Variants in GRM4 observed in about 807,000 individuals in gnomAD.
GRM4 encodes the protein glutamate metabotropic receptor 4, also known as metabotropic glutamate receptor 4.
A neutral mutation model predicts 81.7 loss-of-function variants in GRM4; 28 were observed. The observed-to-expected ratio is 0.34, with a 90% CI of 0.25 to 0.47. The LOEUF (loss-of-function observed/expected upper bound fraction) is 0.47. Among genes scored for constraint, GRM4 ranks in the 20% least tolerant of loss-of-function variants. GRM4 has a pLI of 1.00. For synonymous variants in GRM4, 488 were observed against 528.8 expected (o/e 0.92, Z 1.06); for missense variants, 948 against 1,290.0 (o/e 0.73, Z 4.06).
At chr6:34,041,103 C>G (rs1272771623) in intron 6 of GRM4, among the ~76,000 whole-genome samples, 1 of 152,170 alleles carries the variant, frequency 6.6e-6, no homozygotes, top group Non-Finnish European at 1.5e-5. Context: ...TTGCCTTCCC[C>G]CAAGCCTGGC....
chr6:34,126,812 T>C (rs1770041637), intron 2 of GRM4, among the ~76,000 whole-genome samples: 1 of 152,238 alleles, frequency 6.6e-6, no homozygotes, highest in Admixed American at 6.5e-5. Context: ...AGGGCCACCG[T>C]CTGCCTGCAT....
intron 2 of GRM4, among the ~76,000 whole-genome samples, chr6:34,108,479 C>T (rs894629670): frequency 2.6e-5 from 4 of 152,250 alleles, no homozygotes; most frequent in Non-Finnish European, 4.4e-5. Context: ...TGAACCCTCA[C>T]AGCCGGGCCC....
At chr6:34,085,647 A>G (rs1873249) in intron 3 of GRM4, among the ~76,000 whole-genome samples, 62,514 of 152,084 alleles carry the variant, frequency 0.41, 13,706 homozygotes, top group Non-Finnish European at 0.5. Context: ...CATTCATTCA[A>G]CAAACATTTA....
At position 34,092,210 on chromosome 6, in the gene GRM4, C is replaced by A; in HGVS notation, c.520-111G>T. 1.5e-6 allele frequency: 1 copy of A among 673,656 alleles called. No homozygotes were observed. The highest frequency in any genetic ancestry group is 1.8e-5 in the African/African-American group (1 of 55,712). 41.7% of individuals were successfully genotyped at this position (673,656 alleles called of 1,614,324 possible). ...TTTGGTCCCCACAGCCTTGGGACCA[C>A]CACAGCCCACCCCTCCCCATGGGCG... On this transcript the variant is annotated intron_variant, in intron 2 of 10. Coordinates refer to ENST00000538487, the MANE Select transcript of GRM4 (RefSeq NM_000841.4). This position sits in a 1 kb window ranked among gnomAD's most constrained non-coding sequence, Gnocchi z 6.8.
Position 34,092,335 on chromosome 6 carries a change from A to G in GRM4, c.520-236T>C, listed in dbSNP as rs1267631869. On this transcript the variant is annotated intron_variant, in intron 2 of 10. Transcript: ENST00000538487. This position sits in a 1 kb window ranked among gnomAD's most constrained non-coding sequence, Gnocchi z 6.8. ...CACACACAGGCACACACATACATAC[A>G]CCACACACACATACACCCTGGGAGC... is the stretch of plus-strand genomic sequence containing the variant. 3.9e-5 allele frequency among the ~76,000 whole-genome samples: 6 copies of G among 152,050 alleles called. No individual in the cohort carries two copies. Among genetic ancestry groups the G allele is most frequent in the African/African-American group, 1.5e-4 (6 of 41,376 alleles).
chr6:34,065,684 C>T (rs1161375485), intron 3 of GRM4, among the ~76,000 whole-genome samples: 3 of 152,136 alleles, frequency 2.0e-5, no homozygotes, highest in South Asian at 2.1e-4. Flanking sequence ...TCTGCCATCC[C>T]GGCCAAGCTG....
upstream of GRM4, among the ~76,000 whole-genome samples, chr6:34,149,006 A>C (rs1770995382): frequency 6.6e-6 from 1 of 152,204 alleles, no homozygotes; most frequent in South Asian, 2.1e-4. Flanking sequence ...AATAATACAG[A>C]GTCCTGAGCC....
At chr6:34,083,688 T>G (rs903006696) in intron 3 of GRM4, among the ~76,000 whole-genome samples, 2 of 152,174 alleles carry the variant, frequency 1.3e-5, no homozygotes, top group African/African-American at 4.8e-5. Context: ...GTGCTCAGCC[T>G]TGGGCCGCAG....
Position 34,133,942 on chromosome 6 carries a change from G to T in GRM4, c.-363-83C>A. ...TAGTCTCATCTCTCATCAGGAGCCT[G>T]AGAGAAGGAGATGCTAGAGGTTATC... On this transcript the variant is annotated intron_variant, in intron 1 of 10. Transcript: ENST00000538487. This position sits in a 1 kb window ranked among gnomAD's most constrained non-coding sequence, Gnocchi z 6.5. The T allele has an allele frequency of 8.9e-6, 5 of 562,786 alleles. No homozygotes were observed. Among genetic ancestry groups the T allele is most frequent in the Non-Finnish European group, 1.1e-5 (5 of 441,930 alleles). The allele number at this position is 562,786 out of a possible 1,614,324, so 34.9% of individuals were successfully genotyped here.
Position 34,070,572 on chromosome 6 carries a change from C to T in GRM4, c.737-8544G>A, listed in dbSNP as rs1373847327. 1.3e-5 allele frequency among the ~76,000 whole-genome samples: 2 copies of T among 151,840 alleles called. No homozygotes were observed. Among genetic ancestry groups the T allele is most frequent in the East Asian group, 1.9e-4 (1 of 5,164 alleles). On this transcript the variant is annotated intron_variant, in intron 3 of 10. Transcript: ENST00000538487. This position sits in a 1 kb window ranked among gnomAD's most constrained non-coding sequence, Gnocchi z 4.6. ...CCCTGGAGCCAACACCTCTGGGGAGCGGGTAAGGCCTAGTGGGGTGGGGCT... is the reference window on the plus strand; with the variant it reads ...CCCTGGAGCCAACACCTCTGGGGAGTGGGTAAGGCCTAGTGGGGTGGGGCT...
intron 6 of GRM4, among the ~76,000 whole-genome samples, chr6:34,046,308 A>C (rs1349137519): frequency 6.6e-6 from 1 of 152,218 alleles, no homozygotes; most frequent in Non-Finnish European, 1.5e-5. Flanking sequence ...ACAGATGTAC[A>C]TATAAATGCT....
chr6:34,026,491 C>T (rs1764138729), intron 10 of GRM4, among the ~76,000 whole-genome samples: 1 of 152,120 alleles, frequency 6.6e-6, no homozygotes, highest in South Asian at 2.1e-4. Context: ...CCCCTCGGTC[C>T]CTCCCAACCC....
At chr6:34,126,201 G>A (rs529633391) in intron 2 of GRM4, among the ~76,000 whole-genome samples, 5 of 152,222 alleles carry the variant, frequency 3.3e-5, no homozygotes, top group Non-Finnish European at 7.3e-5. Flanking sequence ...TCAAATCCAG[G>A]CTCCACCACT....
In GRM4 at chr6:34,019,914, AC is replaced by A. The variant is rs1376630483; in HGVS notation, c.*2906del. The A allele has an allele frequency of 6.6e-6, 1 of 152,170 alleles. No individual in the cohort carries two copies. The highest frequency in any genetic ancestry group is 1.5e-5 in the Non-Finnish European group (1 of 68,044). 9.4% of individuals were successfully genotyped at this position (152,170 alleles called of 1,614,324 possible). ...AGCTGTGGGCCCCAGCCCTGGCTGCACTGGCCTGAGCCTTCTAGGTGATGGA... is the reference window on the plus strand; with the variant it reads ...AGCTGTGGGCCCCAGCCCTGGCTGCATGGCCTGAGCCTTCTAGGTGATGGA... On this transcript the variant is annotated 3_prime_UTR_variant, in exon 11 of 11. Coordinates refer to ENST00000538487, the MANE Select transcript of GRM4 (RefSeq NM_000841.4).
At chr6:34,122,883 G>T (rs551282231) in intron 2 of GRM4, among the ~76,000 whole-genome samples, 40 of 152,330 alleles carry the variant, frequency 2.6e-4, no homozygotes, top group African/African-American at 9.4e-4. Context: ...CATTCCCTGG[G>T]AAGGTCAGTT....
intron 6 of GRM4, among the ~76,000 whole-genome samples, chr6:34,050,315 T>A (rs984976132): frequency 6.6e-6 from 1 of 152,180 alleles, no homozygotes; most frequent in African/African-American, 2.4e-5. Context: ...AAATCTCATG[T>A]CGAAATGTGA....
chr6:34,123,408 G>C (rs151086273), intron 2 of GRM4, among the ~76,000 whole-genome samples: 2 of 152,252 alleles, frequency 1.3e-5, no homozygotes, highest in South Asian at 4.1e-4. Context: ...ATGCTCCTTC[G>C]GCAGGAGATG....
chr6:34,154,305 A>C (rs1216724818), intron 1 of GRM4, among the ~76,000 whole-genome samples: 2 of 152,160 alleles, frequency 1.3e-5, no homozygotes, highest in Non-Finnish European at 2.9e-5. Context: ...AGCCCAGCCC[A>C]GCCCCTGGGC....
rs773216737 is a variant in GRM4 at position 34,059,048 on chromosome 6, A to G, written c.953T>C (p.Ile318Thr). ...WMGSDSWGSK[I>T]APVLHLEEVA... ...CTCCTCCAGGTGCAGCACAGGTGCAATCTTGGAGCCCCAGCTGTCAGAGCC... is the reference window on the plus strand; with the variant it reads ...CTCCTCCAGGTGCAGCACAGGTGCAGTCTTGGAGCCCCAGCTGTCAGAGCC... Residue 318 changes from isoleucine (I) to threonine (T), a missense_variant, in exon 5 of 11, where the codon ATT becomes ACT. By Grantham distance (89) the Ile-to-Thr change is moderately conservative. Coordinates refer to ENST00000538487, the MANE Select transcript of GRM4 (RefSeq NM_000841.4). The surrounding 1 kb of genome is among the most constrained non-coding windows in gnomAD (Gnocchi z 5.7). 9.9e-6 allele frequency: 16 copies of G among 1,613,736 alleles called. No homozygotes were observed. Among genetic ancestry groups the G allele is most frequent in the Middle Eastern group, 3.3e-4 (2 of 6,084 alleles).
Sources: allele counts gnomAD v4.1 joint callset (sites outside exome capture counted in the v4.1 genomes callset), GRCh38; gene constraint gnomAD v4.1.1; non-coding constraint Gnocchi (gnomAD v3.1); transcripts MANE v1.5; gene names NCBI Gene and HGNC (gene_info 2026-07-23, HGNC 2026-07-21).